CCDC7: variants seen among roughly 807,000 people sequenced by gnomAD.
The protein encoded by CCDC7 is coiled-coil domain containing 7.
A neutral mutation model predicts 196.9 loss-of-function variants in CCDC7; 183 were observed. The ratio of observed to expected loss-of-function variants is 0.93; its 90% CI spans 0.82 to 1.05. The LOEUF is 1.05. Ranked by LOEUF, CCDC7 falls within the 50% of genes least tolerant of loss-of-function variation. The pLI, the probability that CCDC7 is intolerant of heterozygous loss-of-function variation, is 0.00. For synonymous variants in CCDC7, 525 were observed against 484.6 expected, an observed-to-expected ratio of 1.08 and a Z score of -1.10; for missense variants, 1,540 against 1,482.2, an observed-to-expected ratio of 1.04 and a Z score of -0.64.
chr10:32,593,852 T>C lies in CCDC7; in HGVS notation c.1801+9548T>C, dbSNP rs2060030127. On this transcript the variant is annotated intron_variant, in intron 18 of 41. Coordinates refer to ENST00000639629, the Ensembl canonical transcript of CCDC7. Reference sequence around the variant, plus strand: ...GTTGTCAGGTTTGTCAAAGATCAGATGGTTTTCAATGTGTGATATTATTTC... The same window carrying C: ...GTTGTCAGGTTTGTCAAAGATCAGACGGTTTTCAATGTGTGATATTATTTC... 2.0e-5 allele frequency among the ~76,000 whole-genome samples: 3 copies of C among 152,188 alleles called. No homozygotes were observed. In the South Asian group the frequency reaches 6.2e-4, roughly 32 times the overall value.
chr10:32,711,664 G>T, exon 25 of CCDC7: 5 of 1,596,244 alleles, frequency 3.1e-6, no homozygotes, highest in East Asian at 2.3e-5. Context: ...TAAACATCAA[G>T]ATTCAGTGTC....
At chr10:32,778,180 TTAGTTTAACTAG>T (rs1369655194) in intron 28 of CCDC7, among the ~76,000 whole-genome samples, 11 of 152,244 alleles carry the variant, frequency 7.2e-5, no homozygotes. Flanking sequence ...CAAAATATTT[TTAGTTTAACTAG>T]ATCCCATTTG....
At chr10:32,566,295 A>T (rs1313412199) in intron 14 of CCDC7, among the ~76,000 whole-genome samples, 1 of 152,172 alleles carries the variant, frequency 6.6e-6, no homozygotes, top group African/African-American at 2.4e-5. Context: ...GAGACAGAAA[A>T]GACATAGCAA....
chr10:32,841,529 C>A (rs546186246), intron 33 of CCDC7, among the ~76,000 whole-genome samples: 2 of 151,566 alleles, frequency 1.3e-5, no homozygotes, highest in South Asian at 4.2e-4. Context: ...AAACAAATGA[C>A]CATATTGCCA....
At chr10:32,836,205 A>G (rs2092588952) in intron 33 of CCDC7, among the ~76,000 whole-genome samples, 1 of 152,050 alleles carries the variant, frequency 6.6e-6, no homozygotes, top group Non-Finnish European at 1.5e-5. Context: ...GCCCCCTGAA[A>G]CCACTGTCAT....
intron 23 of CCDC7, among the ~76,000 whole-genome samples, chr10:32,694,588 C>G (rs1200658257): frequency 6.6e-6 from 1 of 152,108 alleles, no homozygotes; most frequent in Non-Finnish European, 1.5e-5. Flanking sequence ...TGTACCTATG[C>G]ATTTTTATTT....
chr10:32,541,597 C>T (rs1055900026), intron 11 of CCDC7, among the ~76,000 whole-genome samples: 2 of 152,252 alleles, frequency 1.3e-5, no homozygotes, highest in Admixed American at 6.5e-5. Flanking sequence ...TGAGCCTCAT[C>T]TGGCAAGAAT....
chr10:32,580,578 A>C (rs1280394663), intron 16 of CCDC7, among the ~76,000 whole-genome samples: 1 of 152,102 alleles, frequency 6.6e-6, no homozygotes, highest in Non-Finnish European at 1.5e-5. Context: ...TTTGTACTGT[A>C]TTACAAACTT....
intron 8 of CCDC7, among the ~76,000 whole-genome samples, chr10:32,489,006 G>T (rs1323162685): frequency 6.6e-6 from 1 of 152,152 alleles, no homozygotes; most frequent in African/African-American, 2.4e-5. Flanking sequence ...CAAGGCTGTA[G>T]GTATCTGCAA....
At chr10:32,487,833 C>G (rs944688388) in intron 8 of CCDC7, among the ~76,000 whole-genome samples, 1 of 152,202 alleles carries the variant, frequency 6.6e-6, no homozygotes, top group African/African-American at 2.4e-5. Flanking sequence ...GCTGCCTGAT[C>G]GTTCCTCTGG....
At chr10:32,813,191 A>G (rs191188647) in intron 30 of CCDC7, among the ~76,000 whole-genome samples, 143 of 152,304 alleles carry the variant, frequency 9.4e-4, no homozygotes, top group African/African-American at 3.2e-3. Flanking sequence ...GCTAGAGCCA[A>G]TTCTACCCAC....
intron 19 of CCDC7, 21 bp downstream of exon 20, chr10:32,634,385 T>C: frequency 1.0e-6 from 1 of 962,996 alleles, no homozygotes; most frequent in Non-Finnish European, 1.3e-6. Flanking sequence ...TAATTATACA[T>C]ATCTTTACAC....
intron 13 of CCDC7, among the ~76,000 whole-genome samples, chr10:32,564,373 T>G (rs909714767): frequency 6.6e-6 from 1 of 152,152 alleles, no homozygotes. Flanking sequence ...GTGGCACTAT[T>G]CACAATAGCA....
At chr10:32,610,306 A>G (rs891446140) in intron 18 of CCDC7, among the ~76,000 whole-genome samples, 4 of 151,884 alleles carry the variant, frequency 2.6e-5, no homozygotes, top group Non-Finnish European at 5.9e-5. Flanking sequence ...GGATTTCACC[A>G]TGTTAGCCAG....
chr10:32,643,202 T>C (rs1010271567), intron 20 of CCDC7, among the ~76,000 whole-genome samples: 4 of 152,144 alleles, frequency 2.6e-5, no homozygotes, highest in African/African-American at 9.6e-5. Flanking sequence ...TTGGTGCATA[T>C]GTATAAAAAT....
chr10:32,786,024 G>C (rs2081810205), intron 29 of CCDC7, among the ~76,000 whole-genome samples: 1 of 152,150 alleles, frequency 6.6e-6, no homozygotes, highest in South Asian at 2.1e-4. Context: ...GCTAAGTGCT[G>C]AAGGGAGACT....
intron 5 of CCDC7, among the ~76,000 whole-genome samples, chr10:32,468,826 A>T (rs1228839650): frequency 6.6e-6 from 1 of 152,226 alleles, no homozygotes; most frequent in African/African-American, 2.4e-5. Context: ...GAATCTTGTG[A>T]TAATCTTTTT....
chr10:32,597,410 T>C (rs1319740309), intron 18 of CCDC7, among the ~76,000 whole-genome samples: 4 of 152,194 alleles, frequency 2.6e-5, no homozygotes, highest in Non-Finnish European at 2.9e-5. Context: ...TTATTCTAGT[T>C]AGCCATTCGT....
intron 41 of CCDC7, among the ~76,000 whole-genome samples, chr10:32,868,516 T>C (rs996052125): frequency 1.3e-5 from 2 of 151,898 alleles, no homozygotes; most frequent in Admixed American, 6.6e-5. Context: ...AGACAAGAAG[T>C]TGTAGTGTAG....
Sources: allele counts gnomAD v4.1 joint callset (sites outside exome capture counted in the v4.1 genomes callset), GRCh38; gene constraint gnomAD v4.1.1; transcripts MANE v1.5; gene names NCBI Gene and HGNC (gene_info 2026-07-23, HGNC 2026-07-21).